The following PAK2 variants were observed in gnomAD, a reference collection of about 807,000 sequenced individuals.
The protein encoded by PAK2 is serine/threonine-protein kinase PAK 2.
Under a neutral mutation model 65.9 loss-of-function variants are expected in PAK2, and 21 were observed. The ratio of observed to expected loss-of-function variants is 0.32; its 90% CI spans 0.23 to 0.46. PAK2 has a LOEUF of 0.46. PAK2 is among the 20% of genes least tolerant of loss of function. The pLI, the probability that PAK2 is intolerant of heterozygous loss-of-function variation, is 1.00. For missense variants in PAK2, 324 were observed against 642.6 expected (o/e 0.50, Z 5.36); for synonymous variants, 204 against 219.7 (o/e 0.93, Z 0.63).
intron 1 of PAK2, among the ~76,000 whole-genome samples, chr3:196,778,215 C>T (rs1273066564): frequency 2.0e-5 from 3 of 152,158 alleles, no homozygotes; most frequent in Non-Finnish European, 2.9e-5. Context: ...CATGTTGCAG[C>T]GTGTATCGGT....
chr3:196,798,142 A>T (rs1577729168), intron 2 of PAK2, among the ~76,000 whole-genome samples: 1 of 152,336 alleles, frequency 6.6e-6, no homozygotes, highest in Admixed American at 6.5e-5. Context: ...AAAAAGCAGC[A>T]GAGAAAATCA....
At chr3:196,810,469 T>C (rs571955352) in intron 7 of PAK2, 121 bp from the exon 8 acceptor site, 157 of 685,356 alleles carry the variant, frequency 2.3e-4, no homozygotes, top group Non-Finnish European at 3.7e-4. Context: ...TTTTTGGAAC[T>C]TAGTATTATG....
In PAK2 at chr3:196,820,638, C is replaced by G. The variant is rs1185008561; in HGVS notation, c.1350+71C>G. On this transcript the variant is annotated intron_variant, in intron 13 of 14. Transcript: ENST00000327134. The surrounding 1 kb of genome is among the most constrained non-coding windows in gnomAD (Gnocchi z 4.6). ...ACTCTTATTTAGAACTTGCACGTGC[C>G]TGGCACTGTCCAAGAATTTAAAGTA... The G allele has an allele frequency of 3.8e-6, 3 of 791,704 alleles. No homozygotes were observed. The highest frequency in any genetic ancestry group is 4.0e-6 in the Non-Finnish European group (2 of 501,068). The allele number at this position is 791,704 out of a possible 1,614,324, so 49.0% of individuals were successfully genotyped here.
chr3:196,815,396 G>A (rs1436488397), intron 11 of PAK2, among the ~76,000 whole-genome samples: 1 of 151,352 alleles, frequency 6.6e-6, no homozygotes, highest in Non-Finnish European at 1.5e-5. Flanking sequence ...CGAGGCTGAG[G>A]CGGGAGAATC....
intron 1 of PAK2, among the ~76,000 whole-genome samples, chr3:196,758,437 C>T (rs529922273): frequency 6.6e-6 from 1 of 152,098 alleles, no homozygotes; most frequent in African/African-American, 2.4e-5. Flanking sequence ...CGACACGTCC[C>T]GTGTCCGGGG....
chr3:196,818,707 A>G (rs1711557614), intron 12 of PAK2, among the ~76,000 whole-genome samples: 1 of 152,162 alleles, frequency 6.6e-6, no homozygotes, highest in Non-Finnish European at 1.5e-5. Flanking sequence ...GGAAGCTCTC[A>G]TACATTTTTG....
chr3:196,755,295 G>T (rs1713731086), intron 1 of PAK2, among the ~76,000 whole-genome samples: 1 of 152,030 alleles, frequency 6.6e-6, no homozygotes, highest in Non-Finnish European at 1.5e-5. Context: ...ATGGTATCTT[G>T]TTCCATTTTG....
chr3:196,787,649 T>C (rs1256138986), intron 2 of PAK2, among the ~76,000 whole-genome samples: 1 of 151,998 alleles, frequency 6.6e-6, no homozygotes, highest in Non-Finnish European at 1.5e-5. Flanking sequence ...TCCACCTTTG[T>C]AGCTGAGGGT....
intron 1 of PAK2, among the ~76,000 whole-genome samples, chr3:196,751,694 T>TATATATATATATATATATATATA (rs1211217848): frequency 1.3e-4 from 6 of 45,846 alleles, no homozygotes; most frequent in African/African-American, 5.8e-4. Context: ...TATATATATA[T>TATATATATATATATATATATATA]AATTCAGGCT....
intron 10 of PAK2, among the ~76,000 whole-genome samples, chr3:196,813,862 A>G (rs1004226697): frequency 1.3e-5 from 2 of 151,966 alleles, no homozygotes. Flanking sequence ...AGGCAGGAGA[A>G]TTGCTTGAAC....
In PAK2 at chr3:196,755,763, C is replaced by CT. The variant is rs145181977; in HGVS notation, c.-22+15617dup. ...GTGAGCCACTGCACCCAGACTTCTT[C>CT]TTTTTTTTTTTGAGACGGAGTCTCG... On this transcript the variant is annotated intron_variant, in intron 1 of 14. Transcript: ENST00000327134. 4.0e-3 allele frequency among the ~76,000 whole-genome samples: 591 copies of CT among 147,068 alleles called. 1 individual carries two copies. The highest frequency in any genetic ancestry group is 0.012 in the East Asian group (60 of 5,016).
intron 2 of PAK2, among the ~76,000 whole-genome samples, chr3:196,800,586 C>T (rs535577302): frequency 1.3e-5 from 2 of 152,146 alleles, no homozygotes; most frequent in South Asian, 2.1e-4. Context: ...AGTTTCAATG[C>T]GTATTACAAA....
chr3:196,818,775 G>T (rs1228519518), intron 12 of PAK2, among the ~76,000 whole-genome samples: 1 of 151,932 alleles, frequency 6.6e-6, no homozygotes, highest in Non-Finnish European at 1.5e-5. Flanking sequence ...TTCTGGCTCT[G>T]CCATTTACTA....
intron 1 of PAK2, among the ~76,000 whole-genome samples, chr3:196,751,652 AAC>A (rs777261521): frequency 4.5e-5 from 4 of 89,504 alleles, no homozygotes; most frequent in Non-Finnish European, 6.2e-5. Flanking sequence ...CCCCCCAAAA[AAC>A]ACACAAATTT....
intron 13 of PAK2, among the ~76,000 whole-genome samples, chr3:196,826,741 T>G (rs1034379707): frequency 2.6e-5 from 4 of 151,896 alleles, no homozygotes; most frequent in Admixed American, 2.6e-4. Context: ...ACCAATATGA[T>G]GAAACCCCAC....
intron 11 of PAK2, among the ~76,000 whole-genome samples, chr3:196,815,324 T>A (rs1219343644): frequency 6.6e-6 from 1 of 150,594 alleles, no homozygotes; most frequent in Non-Finnish European, 1.5e-5. Flanking sequence ...AAACCCCATC[T>A]CTACTAAAAA....
intron 11 of PAK2, 139 bp downstream of exon 11, chr3:196,814,707 C>A: frequency 1.6e-6 from 1 of 615,328 alleles, no homozygotes; most frequent in Non-Finnish European, 2.8e-6. Context: ...TACTCCATCT[C>A]CGTGCCATTT....
intron 2 of PAK2, among the ~76,000 whole-genome samples, chr3:196,785,668 A>G (rs1714862486): frequency 6.6e-6 from 1 of 152,236 alleles, no homozygotes; most frequent in Non-Finnish European, 1.5e-5. Context: ...CTGCTGATAA[A>G]GACATACCTG....
chr3:196,819,431 A>T (rs1349796119), intron 12 of PAK2, among the ~76,000 whole-genome samples: 1 of 152,148 alleles, frequency 6.6e-6, no homozygotes, highest in Non-Finnish European at 1.5e-5. Context: ...ACAGAGTGAA[A>T]CCCTGTGACA....
Sources: allele counts gnomAD v4.1 joint callset (sites outside exome capture counted in the v4.1 genomes callset), GRCh38; gene constraint gnomAD v4.1.1; non-coding constraint Gnocchi (gnomAD v3.1); transcripts MANE v1.5; gene names NCBI Gene and HGNC (gene_info 2026-07-23, HGNC 2026-07-21).